Variants in HECW1 observed in about 807,000 individuals in gnomAD.
The protein encoded by HECW1 is E3 ubiquitin-protein ligase HECW1.
Under a neutral mutation model 182.3 loss-of-function variants are expected in HECW1, and 61 were observed. That is an observed-to-expected ratio of 0.33 (90% CI 0.27 to 0.41). The LOEUF (loss-of-function observed/expected upper bound fraction) is 0.41, where lower values mean the gene tolerates loss of function less well. Ranked by LOEUF, HECW1 falls within the 10% of genes least tolerant of loss-of-function variation. The probability of loss-of-function intolerance (pLI) is 1.00; values close to 1 mark genes in which losing one functional copy is unlikely to be tolerated. For synonymous variants in HECW1, 859 were observed against 832.6 expected (o/e 1.03, Z -0.55); for missense variants, 1,739 against 2,108.9 (o/e 0.82, Z 3.44).
intron 17 of HECW1, among the ~76,000 whole-genome samples, chr7:43,480,382 C>G (rs1014249055): frequency 3.3e-5 from 5 of 151,960 alleles, no homozygotes; most frequent in African/African-American, 1.2e-4. Flanking sequence ...TTTTTTTGCT[C>G]CTGATCAGTT....
intron 16 of HECW1, among the ~76,000 whole-genome samples, chr7:43,471,391 C>T (rs1338482092): frequency 6.6e-6 from 1 of 152,138 alleles, no homozygotes; most frequent in Non-Finnish European, 1.5e-5. Context: ...CCTTGCCCCT[C>T]ACCCTGGACA....
chr7:43,164,401 G>T (rs1790875896), intron 2 of HECW1, among the ~76,000 whole-genome samples: 1 of 152,240 alleles, frequency 6.6e-6, no homozygotes, highest in South Asian at 2.1e-4. Flanking sequence ...AGTTGAAGGT[G>T]CCAGTGGGGC....
At chr7:43,543,566 G>A (rs1221806118) in intron 26 of HECW1, among the ~76,000 whole-genome samples, 2 of 152,034 alleles carry the variant, frequency 1.3e-5, no homozygotes, top group Non-Finnish European at 2.9e-5. Context: ...ATCACCTGAG[G>A]TCAGGAGTTC....
At chr7:43,288,552 C>T (rs777838722) in intron 3 of HECW1, among the ~76,000 whole-genome samples, 2 of 152,258 alleles carry the variant, frequency 1.3e-5, no homozygotes, top group South Asian at 2.1e-4. Flanking sequence ...TTTGAGGCCC[C>T]GCTCTCCACT....
At chr7:43,360,850 C>G in intron 5 of HECW1, 36 bp from the exon 6 acceptor site, 2 of 1,494,904 alleles carry the variant, frequency 1.3e-6, no homozygotes, top group Non-Finnish European at 9.3e-7. Flanking sequence ...TGGGTTACAC[C>G]CTACTTCTCA....
In HECW1 at chr7:43,445,176, C is replaced by G. The variant is rs763906812; in HGVS notation, c.2004C>G (p.His668Gln). 3 of 1,611,662 alleles carry G rather than the reference C, an allele frequency of 1.9e-6. No homozygotes were observed. Among genetic ancestry groups the G allele is most frequent in the Admixed American group, 3.3e-5 (2 of 59,970 alleles). The part of the protein sequence containing the change: ...SDSSPRQGGD[H>Q]SCEGCDASCC... ...CCAGCCCCAGGCAAGGCGGGGACCACAGTTGCGAGGGCTGTGACGCGTCCT... is the reference window on the plus strand; with the variant it reads ...CCAGCCCCAGGCAAGGCGGGGACCAGAGTTGCGAGGGCTGTGACGCGTCCT... The change falls in exon 11 of 30, where the codon CAC (histidine) becomes CAG (glutamine). Residue 668 changes from histidine (H) to glutamine (Q), a missense_variant. Around this residue, in one of 5 missense-constraint regions of HECW1, gnomAD observed 971 missense variants for 1,029.1 expected, o/e 0.94. Coordinates refer to ENST00000395891, the MANE Select transcript of HECW1 (RefSeq NM_015052.5).
At chr7:43,511,027 G>A (rs941662382) in intron 24 of HECW1, 2 of 152,232 alleles carry the variant, frequency 1.3e-5, no homozygotes, top group Non-Finnish European at 2.9e-5. Flanking sequence ...CAGGACTGAA[G>A]AAGCTTTATA....
rs777676600 is a variant in HECW1 at position 43,445,562 on chromosome 7, G to C, written c.2390G>C (p.Arg797Pro). Reference protein sequence around the residue: ...LESPVAGPSNRREGECPILHN... With the variant: ...LESPVAGPSNPREGECPILHN... ...TCCCCCGTGGCAGGTCCAAGCAATC[G>C]GAGAGAAGGTTAGACCTCAAACCTG... The change falls in exon 11 of 30, where the codon CGG (arginine) becomes CCG (proline). Residue 797 changes from arginine to proline, a missense_variant. Physicochemically the swap from Arg to Pro is moderately radical, Grantham distance 103. Coordinates refer to ENST00000395891, the MANE Select transcript of HECW1 (RefSeq NM_015052.5). The C allele has an allele frequency of 1.3e-6, 2 of 1,586,480 alleles. No individual in the cohort carries two copies. Among genetic ancestry groups the C allele is most frequent in the Middle Eastern group, 1.7e-4 (1 of 6,000 alleles).
chr7:43,164,520 G>T (rs576558136), intron 2 of HECW1, among the ~76,000 whole-genome samples: 1 of 152,300 alleles, frequency 6.6e-6, no homozygotes, highest in South Asian at 2.1e-4. Flanking sequence ...TGTGTGCCCA[G>T]ACTCCCCTCA....
chr7:43,382,599 C>T (rs1042073155), intron 6 of HECW1, among the ~76,000 whole-genome samples: 1 of 152,128 alleles, frequency 6.6e-6, no homozygotes, highest in African/African-American at 2.4e-5. Flanking sequence ...ATCCCTCATT[C>T]AAGATGTCTC....
intron 24 of HECW1, among the ~76,000 whole-genome samples, chr7:43,536,553 G>A (rs2081185213): frequency 6.6e-6 from 1 of 152,218 alleles, no homozygotes; most frequent in African/African-American, 2.4e-5. Context: ...CTTGTGAAGA[G>A]GAGTTGAAGG....
rs758407184 is a variant in HECW1 at position 43,450,823 on chromosome 7, C to T, written c.2399-5C>T. Reference sequence around the variant, plus strand: ...ATCTGAATGTATTGACTATCTTGTCCGTAGGTGAATGTCCTATACTCCATA... The same window carrying T: ...ATCTGAATGTATTGACTATCTTGTCTGTAGGTGAATGTCCTATACTCCATA... On this transcript the variant is annotated splice_polypyrimidine_tract_variant and splice_region_variant and intron_variant, in intron 11 of 29. Transcript: ENST00000395891. 19 of 1,577,984 alleles carry T rather than the reference C, an allele frequency of 1.2e-5. No homozygotes were observed. The highest frequency in any genetic ancestry group is 1.3e-5 in the Non-Finnish European group (15 of 1,147,454).
intron 2 of HECW1, among the ~76,000 whole-genome samples, chr7:43,219,649 C>A (rs1439287574): frequency 1.3e-5 from 2 of 151,106 alleles, no homozygotes; most frequent in African/African-American, 2.5e-5. Context: ...TAGAACAGAA[C>A]AGAACAGAAC....
At chr7:43,173,386 G>C (rs1263656285) in intron 2 of HECW1, among the ~76,000 whole-genome samples, 1 of 152,188 alleles carries the variant, frequency 6.6e-6, no homozygotes, top group Non-Finnish European at 1.5e-5. Context: ...GTTGCCTCCA[G>C]TGGCTGTCCA....
At chr7:43,264,688 CA>C (rs943846603) in intron 3 of HECW1, among the ~76,000 whole-genome samples, 11 of 151,838 alleles carry the variant, frequency 7.2e-5, no homozygotes, top group Admixed American at 6.6e-4. Context: ...ACTAAAAATA[CA>C]AAAAATTAGC....
Position 43,416,338 on chromosome 7 carries a change from C to T in HECW1, c.801+8607C>T, listed in dbSNP as rs941177162. On this transcript the variant is annotated intron_variant, in intron 8 of 29. Coordinates refer to ENST00000395891, the MANE Select transcript of HECW1 (RefSeq NM_015052.5). ...TGGGGGGTGCCTCCCAGTTAGGCTG[C>T]TCGGGGGTCAGGGGTCAGGGACCCA... 2.4e-3 allele frequency among the ~76,000 whole-genome samples: 366 copies of T among 151,398 alleles called. 1 individual carries two copies. Among genetic ancestry groups the T allele is most frequent in the Admixed American group, 4.6e-3 (70 of 15,268 alleles).
At chr7:43,157,789 G>C (rs1175588369) in intron 2 of HECW1, among the ~76,000 whole-genome samples, 6 of 152,174 alleles carry the variant, frequency 3.9e-5, no homozygotes, top group Admixed American at 6.6e-5. Flanking sequence ...TTAATCTCCT[G>C]AGCTCAAGCG....
chr7:43,540,048 G>A lies in HECW1; in HGVS notation c.4020-1115G>A, dbSNP rs145970173. Among the ~76,000 whole-genome samples the A allele has an allele frequency of 6.8e-4, 104 of 152,272 alleles. 2 individuals are homozygous for A. The East Asian group carries it at 9.3e-3, about 14-fold the overall frequency. On this transcript the variant is annotated intron_variant, in intron 24 of 29. Coordinates refer to ENST00000395891, the MANE Select transcript of HECW1 (RefSeq NM_015052.5). ...AGTCTCTTCAGAGTCAATAACACTA[G>A]CATGTTATTTCATGGAAAAAGAATC...
intron 6 of HECW1, among the ~76,000 whole-genome samples, chr7:43,394,400 G>A (rs1415815072): frequency 6.6e-6 from 1 of 152,194 alleles, no homozygotes; most frequent in Non-Finnish European, 1.5e-5. Context: ...TTTATTCTAG[G>A]TCCCATTGCT....
Sources: allele counts gnomAD v4.1 joint callset (sites outside exome capture counted in the v4.1 genomes callset), GRCh38; gene constraint gnomAD v4.1.1; regional missense constraint gnomAD v4.1.1; transcripts MANE v1.5; gene names NCBI Gene and HGNC (gene_info 2026-07-23, HGNC 2026-07-21).